Variants in KANK1 observed in about 807,000 individuals in gnomAD.
KANK1 encodes the protein KN motif and ankyrin repeat domains 1, also known as KN motif and ankyrin repeat domain-containing protein 1.
Under a neutral mutation model 106.2 loss-of-function variants are expected in KANK1, and 109 were observed. The ratio of observed to expected loss-of-function variants is 1.03; its 90% CI spans 0.88 to 1.20. KANK1 has a LOEUF of 1.20. Among genes scored for constraint, KANK1 ranks in the 50% most tolerant of loss-of-function variants. The probability of loss-of-function intolerance (pLI) is 0.00; values close to 1 mark genes in which losing one functional copy is unlikely to be tolerated. For missense variants in KANK1, 2,399 were observed against 1,710.7 expected (o/e 1.40, Z -7.10); for synonymous variants, 873 against 652.2 (o/e 1.34, Z -5.16).
At chr9:650,827 C>G (rs771326494) in intron 1 of KANK1, among the ~76,000 whole-genome samples, 133 of 152,026 alleles carry the variant, frequency 8.7e-4, no homozygotes, top group Middle Eastern at 3.2e-3. Flanking sequence ...ATTTGTAATT[C>G]CAGTAACGGC....
At chr9:587,414 C>G (rs1464449391) in intron 1 of KANK1, among the ~76,000 whole-genome samples, 2 of 152,006 alleles carry the variant, frequency 1.3e-5, no homozygotes, top group Admixed American at 6.6e-5. Flanking sequence ...TATGCACAGA[C>G]TAGATAATAC....
At chr9:582,384 A>C (rs1822392590) in intron 1 of KANK1, among the ~76,000 whole-genome samples, 1 of 152,072 alleles carries the variant, frequency 6.6e-6, no homozygotes, top group African/African-American at 2.4e-5. Context: ...ATTTTCTATA[A>C]ATCTTCAGTG....
At chr9:510,470 T>A (rs1711557280) in intron 1 of KANK1, among the ~76,000 whole-genome samples, 1 of 152,172 alleles carries the variant, frequency 6.6e-6, no homozygotes, top group African/African-American at 2.4e-5. Context: ...GAGGGAGAAG[T>A]CTTTCTTGTC....
chr9:634,833 C>A (rs899262782), intron 1 of KANK1, among the ~76,000 whole-genome samples: 1 of 152,184 alleles, frequency 6.6e-6, no homozygotes, highest in Non-Finnish European at 1.5e-5. Context: ...TAGTGGCCCA[C>A]TGATATCATT....
intron 1 of KANK1, among the ~76,000 whole-genome samples, chr9:609,821 C>G (rs969700288): frequency 6.6e-6 from 1 of 152,026 alleles, no homozygotes; most frequent in African/African-American, 2.4e-5. Context: ...TCTCAGGCTA[C>G]TTTCTAGTAA....
At chr9:684,400 A>G (rs1253597313) in intron 2 of KANK1, 1 of 985,300 alleles carries the variant, frequency 1.0e-6, no homozygotes, top group Non-Finnish European at 1.2e-6. Flanking sequence ...CCAACAAGAA[A>G]GAAAGAAAAA....
chr9:646,726 G>C (rs1839753422), intron 1 of KANK1, among the ~76,000 whole-genome samples: 1 of 144,958 alleles, frequency 6.9e-6, no homozygotes, highest in Non-Finnish European at 1.5e-5. Context: ...GTCTCTCTCT[G>C]TCACCCAGGC....
At chr9:628,035 CA>C (rs1268104202) in intron 1 of KANK1, among the ~76,000 whole-genome samples, 16 of 152,158 alleles carry the variant, frequency 1.1e-4, no homozygotes, top group Admixed American at 9.8e-4. Flanking sequence ...TTTATTGGCA[CA>C]ATGCTTTTAC....
Position 578,407 on chromosome 9 carries a change from G to T in KANK1, c.-84+73653G>T, listed in dbSNP as rs114775521. Among the ~76,000 whole-genome samples, 952 of 151,814 alleles carry T rather than the reference G, an allele frequency of 6.3e-3. 15 individuals carry two copies. Among genetic ancestry groups the T allele is most frequent in the African/African-American group, 0.022 (902 of 41,374 alleles). On this transcript the variant is annotated intron_variant, in intron 1 of 11. Transcript: ENST00000382297. Reference sequence around the variant, plus strand: ...AATGAAATATATTAGCAACATTGTTGACATGGACCACAGACAATTAAATGT... The same window carrying T: ...AATGAAATATATTAGCAACATTGTTTACATGGACCACAGACAATTAAATGT...
intron 1 of KANK1, among the ~76,000 whole-genome samples, chr9:550,095 G>C (rs1219910433): frequency 1.3e-5 from 2 of 152,134 alleles, no homozygotes; most frequent in Non-Finnish European, 2.9e-5. Context: ...CCACTGGGTT[G>C]GATGCAGGAT....
intron 1 of KANK1, among the ~76,000 whole-genome samples, chr9:567,839 C>G (rs1587881091): frequency 6.6e-6 from 1 of 152,138 alleles, no homozygotes; most frequent in African/African-American, 2.4e-5. Flanking sequence ...TACGTTCTTG[C>G]AGTATAGAAG....
intron 1 of KANK1, among the ~76,000 whole-genome samples, chr9:583,243 C>T (rs963419156): frequency 6.6e-6 from 1 of 152,094 alleles, no homozygotes; most frequent in Non-Finnish European, 1.5e-5. Flanking sequence ...TAAAATCTAA[C>T]TATCACTTTA....
intron 3 of KANK1, among the ~76,000 whole-genome samples, chr9:489,450 G>A (rs2058344398): frequency 6.6e-6 from 1 of 152,194 alleles, no homozygotes; most frequent in South Asian, 2.1e-4. Flanking sequence ...TGTAAGTATA[G>A]GTCATGCAGT....
rs112447268 is a variant in KANK1 at position 588,034 on chromosome 9, C to G, written c.-84+83280C>G. Among the ~76,000 whole-genome samples, 152 of 150,942 alleles carry G rather than the reference C, an allele frequency of 1.0e-3. 4 individuals carry two copies. The highest frequency in any genetic ancestry group is 3.5e-3 in the African/African-American group (144 of 40,964). The stretch of plus-strand genomic sequence containing the variant: ...TGTGCTGAGATTGCACCATTGCACT[C>G]TAGCCTGGGTGACAGAGCTAGACTT... On this transcript the variant is annotated intron_variant, in intron 1 of 11. Coordinates refer to ENST00000382297, the MANE Select transcript of KANK1 (RefSeq NM_015158.5).
chr9:662,778 C>G (rs1250398640), intron 1 of KANK1, among the ~76,000 whole-genome samples: 2 of 151,570 alleles, frequency 1.3e-5, no homozygotes, highest in South Asian at 2.1e-4. Flanking sequence ...TCTCCTGCCT[C>G]AGTCTCCCGA....
chr9:556,371 G>T (rs1469344376), intron 1 of KANK1, among the ~76,000 whole-genome samples: 1 of 152,140 alleles, frequency 6.6e-6, no homozygotes, highest in Non-Finnish European at 1.5e-5. Flanking sequence ...GGGAACCTTG[G>T]TTTCTGAGTT....
At chr9:610,224 C>A (rs964808218) in intron 1 of KANK1, among the ~76,000 whole-genome samples, 11 of 152,008 alleles carry the variant, frequency 7.2e-5, no homozygotes, top group African/African-American at 2.4e-4. Flanking sequence ...TGAACACTTA[C>A]GTTTATCAAA....
At chr9:543,374 G>T (rs1474551401) in intron 1 of KANK1, among the ~76,000 whole-genome samples, 2 of 151,914 alleles carry the variant, frequency 1.3e-5, no homozygotes, top group Non-Finnish European at 2.9e-5. Context: ...TGGCCAACAT[G>T]GTGAAACCCC....
chr9:480,239 C>T (rs2058180567), intron 3 of KANK1, among the ~76,000 whole-genome samples: 1 of 152,194 alleles, frequency 6.6e-6, no homozygotes, highest in South Asian at 2.1e-4. Flanking sequence ...AAATTGCAAC[C>T]TTCTGGGATG....
Sources: gnomAD v4.1 joint callset for allele counts (sites outside exome capture counted in the v4.1 genomes callset) on GRCh38, gnomAD v4.1.1 for gene constraint, MANE v1.5 for transcripts, NCBI Gene and HGNC (gene_info 2026-07-23, HGNC 2026-07-21) for gene names.